MYO3A: variants seen among roughly 807,000 people sequenced by gnomAD.
MYO3A encodes myosin IIIA.
MYO3A carries 180 observed loss-of-function variants against 192.7 expected under a neutral mutation model. That is an observed-to-expected ratio of 0.93 (90% CI 0.83 to 1.06). The LOEUF (loss-of-function observed/expected upper bound fraction) is 1.06. Among genes scored for constraint, MYO3A ranks in the 50% least tolerant of loss-of-function variants. The pLI, the probability that MYO3A is intolerant of heterozygous loss-of-function variation, is 0.00. For synonymous variants in MYO3A, 628 were observed against 645.3 expected, an observed-to-expected ratio of 0.97 and a Z score of 0.41; for missense variants, 1,896 against 1,905.0, an observed-to-expected ratio of 1.00 and a Z score of 0.09.
At chr10:26,018,362 T>G (rs11014914) in intron 7 of MYO3A, among the ~76,000 whole-genome samples, 25,040 of 152,142 alleles carry the variant, frequency 0.16, 2,488 homozygotes, top group African/African-American at 0.26. Flanking sequence ...TTTTAAATAA[T>G]CAGCTTTCTA....
rs759023337 is a variant in MYO3A at position 25,959,415 on chromosome 10, A to G, written c.303+4407A>G. 3.9e-5 allele frequency among the ~76,000 whole-genome samples: 6 copies of G among 152,136 alleles called. No individual in the cohort carries two copies. The South Asian group carries it at 8.3e-4, about 21-fold the overall frequency. Reference sequence around the variant, plus strand: ...AACATAGACCCAGTTTAGTGGTGCCACCTTCTCCTGAGCAGTCCACACTTT... The same window carrying G: ...AACATAGACCCAGTTTAGTGGTGCCGCCTTCTCCTGAGCAGTCCACACTTT... On this transcript the variant is annotated intron_variant, in intron 4 of 34. Coordinates refer to ENST00000642920, the MANE Select transcript of MYO3A (RefSeq NM_017433.5).
intron 33 of MYO3A, among the ~76,000 whole-genome samples, 197 bp downstream of exon 33, chr10:26,201,502 A>C (rs915308180): frequency 4.6e-5 from 7 of 151,940 alleles, no homozygotes; most frequent in African/African-American, 1.7e-4. Context: ...AACACGGTGA[A>C]ACCCCGTCTC....
intron 10 of MYO3A, among the ~76,000 whole-genome samples, chr10:26,064,878 G>A (rs1275637771): frequency 6.6e-6 from 1 of 152,162 alleles, no homozygotes; most frequent in African/African-American, 2.4e-5. Context: ...AGTGTGGTTT[G>A]GGATGTGTCT....
At chr10:26,107,575 T>C (rs1010697554) in intron 17 of MYO3A, among the ~76,000 whole-genome samples, 12 of 152,114 alleles carry the variant, frequency 7.9e-5, no homozygotes, top group African/African-American at 2.9e-4. Flanking sequence ...TTTCTGATTC[T>C]TCTATGATAA....
At chr10:25,937,852 A>G (rs1044204437) in intron 2 of MYO3A, among the ~76,000 whole-genome samples, 1 of 152,236 alleles carries the variant, frequency 6.6e-6, no homozygotes, top group African/African-American at 2.4e-5. Flanking sequence ...TTCAAAACAG[A>G]GCATACATGT....
intron 32 of MYO3A, among the ~76,000 whole-genome samples, chr10:26,194,511 C>A (rs1843310646): frequency 6.6e-6 from 1 of 152,176 alleles, no homozygotes; most frequent in African/African-American, 2.4e-5. Flanking sequence ...GCCACAGTGA[C>A]ACAGCAGCAC....
At chr10:26,067,284 C>T (rs558574026) in intron 11 of MYO3A, among the ~76,000 whole-genome samples, 1 of 152,184 alleles carries the variant, frequency 6.6e-6, no homozygotes, top group Non-Finnish European at 1.5e-5. Flanking sequence ...CAGTTTTAAT[C>T]TATATAACTC....
chr10:26,143,052 C>T (rs1212351824), intron 20 of MYO3A, among the ~76,000 whole-genome samples: 2 of 152,068 alleles, frequency 1.3e-5, no homozygotes, highest in Non-Finnish European at 2.9e-5. Flanking sequence ...AAGGTCAGGC[C>T]GGGCGCGGTG....
At chr10:26,155,629 AAT>A (rs1286552248) in intron 25 of MYO3A, among the ~76,000 whole-genome samples, 8 of 152,244 alleles carry the variant, frequency 5.3e-5, no homozygotes, top group Non-Finnish European at 1.0e-4. Context: ...TTCTTTAAAA[AAT>A]ATATGAGTAC....
intron 17 of MYO3A, among the ~76,000 whole-genome samples, chr10:26,107,697 A>G (rs1008826001): frequency 1.1e-4 from 17 of 152,092 alleles, no homozygotes; most frequent in Non-Finnish European, 2.2e-4. Context: ...AATACTTTAA[A>G]TTAATCCCAT....
intron 14 of MYO3A, among the ~76,000 whole-genome samples, chr10:26,084,616 G>A (rs771553023): frequency 1.3e-5 from 2 of 152,222 alleles, no homozygotes; most frequent in South Asian, 4.1e-4. Flanking sequence ...CGACCCTTCT[G>A]CTTCAGCCTT....
intron 4 of MYO3A, among the ~76,000 whole-genome samples, chr10:25,994,899 C>T (rs1159414297): frequency 6.6e-6 from 1 of 152,176 alleles, no homozygotes; most frequent in African/African-American, 2.4e-5. Flanking sequence ...TGATGGGCTT[C>T]CCTTTGTGGG....
intron 14 of MYO3A, among the ~76,000 whole-genome samples, chr10:26,076,309 T>A (rs1330216541): frequency 1.3e-5 from 2 of 152,208 alleles, no homozygotes; most frequent in Non-Finnish European, 2.9e-5. Flanking sequence ...TAGAGAATTG[T>A]CTATTCATGT....
Position 26,143,597 on chromosome 10 carries a change from TG to T in MYO3A, c.2413del (p.Val805Ter), listed in dbSNP as rs1237356693. 1 of 1,613,862 alleles carries T rather than the reference TG, an allele frequency of 6.2e-7. No homozygotes were observed. Among genetic ancestry groups the T allele is most frequent in the African/African-American group, 1.3e-5 (1 of 74,934 alleles). On this transcript the variant is annotated frameshift_variant, in exon 21 of 35. Transcript: ENST00000642920. LOFTEE classifies it high-confidence loss of function. ...RFPKATDQTL[V>X]EKFEGNLKSQ... ...TTCCCAAGGCCACTGACCAGACTCT[TG>T]TAGGTGAGTTTTCAGTCCAGTGTGT...
chr10:26,075,116 A>G (rs1168001239), intron 14 of MYO3A, among the ~76,000 whole-genome samples: 4 of 152,090 alleles, frequency 2.6e-5, no homozygotes, highest in African/African-American at 7.2e-5. Context: ...TTTTTATGCC[A>G]GTACCATACT....
chr10:26,033,714 A>T (rs961790247), intron 10 of MYO3A, among the ~76,000 whole-genome samples: 3 of 152,178 alleles, frequency 2.0e-5, no homozygotes, highest in Non-Finnish European at 2.9e-5. Flanking sequence ...GAACATAAAT[A>T]ACCATTATAC....
At chr10:25,991,462 A>T (rs575927940) in intron 4 of MYO3A, among the ~76,000 whole-genome samples, 7 of 151,992 alleles carry the variant, frequency 4.6e-5, no homozygotes, top group South Asian at 2.1e-4. Context: ...ATTCTGTAGG[A>T]TGCCTGTTCA....
At chr10:26,091,335 C>A (rs1467790181) in intron 15 of MYO3A, among the ~76,000 whole-genome samples, 10 of 152,126 alleles carry the variant, frequency 6.6e-5, no homozygotes, top group Non-Finnish European at 1.3e-4. Flanking sequence ...ATAGTACTAT[C>A]TTATAACTTG....
intron 20 of MYO3A, among the ~76,000 whole-genome samples, chr10:26,142,264 T>C (rs900833816): frequency 1.3e-5 from 2 of 152,254 alleles, no homozygotes; most frequent in African/African-American, 4.8e-5. Context: ...CAGGAATGGT[T>C]GCTTATCACC....
Sources: allele counts gnomAD v4.1 joint callset (sites outside exome capture counted in the v4.1 genomes callset), GRCh38; gene constraint gnomAD v4.1.1; transcripts MANE v1.5; gene names NCBI Gene and HGNC (gene_info 2026-07-23, HGNC 2026-07-21).